Variants in SYNJ1 observed in about 807,000 individuals in gnomAD.
SYNJ1 encodes the protein synaptojanin 1.
Under a neutral mutation model 168.2 loss-of-function variants are expected in SYNJ1, and 78 were observed. The ratio of observed to expected loss-of-function variants is 0.46; its 90% confidence interval spans 0.39 to 0.56. SYNJ1 has a LOEUF of 0.56. SYNJ1 is among the 20% of genes least tolerant of loss of function. The probability of loss-of-function intolerance (pLI) is 0.00; values close to 1 mark genes in which losing one functional copy is unlikely to be tolerated. For missense variants in SYNJ1, 1,303 were observed against 1,597.6 expected, an observed-to-expected ratio of 0.82 and a Z score of 3.14; for synonymous variants, 539 against 548.6, an observed-to-expected ratio of 0.98 and a Z score of 0.24.
At chr21:32,704,156 C>T (rs1037102762) in intron 2 of SYNJ1, among the ~76,000 whole-genome samples, 2 of 152,172 alleles carry the variant, frequency 1.3e-5, no homozygotes, top group African/African-American at 2.4e-5. Context: ...AATACATAAA[C>T]GTATGTCTCT....
rs186849773 is a variant in SYNJ1 at position 32,671,984 on chromosome 21, G to A, written c.1726+1356C>T. Among the ~76,000 whole-genome samples the A allele has an allele frequency of 8.1e-5, 12 of 148,248 alleles. No homozygotes were observed. In the East Asian group the frequency reaches 1.8e-3, roughly 23 times the overall value. On this transcript the variant is annotated intron_variant, in intron 14 of 32. Transcript: ENST00000674351. Reference sequence around the variant, plus strand: ...TGAGGCAGGAGAATCGTTTGAACTCGGGAGGTAGAGGTTGCAGTGAGCCGA... The same window carrying A: ...TGAGGCAGGAGAATCGTTTGAACTCAGGAGGTAGAGGTTGCAGTGAGCCGA...
chr21:32,715,898 A>C (rs1299142458), intron 2 of SYNJ1, among the ~76,000 whole-genome samples: 2 of 152,218 alleles, frequency 1.3e-5, no homozygotes, highest in Non-Finnish European at 2.9e-5. Context: ...CCAACCAAGA[A>C]GAATTTATAT....
intron 18 of SYNJ1, among the ~76,000 whole-genome samples, chr21:32,663,832 C>G (rs2040812283): frequency 6.6e-6 from 1 of 152,214 alleles, no homozygotes; most frequent in South Asian, 2.1e-4. Flanking sequence ...GCAAGAGTCT[C>G]AGATGAGAAA....
Position 32,727,976 on chromosome 21 carries a change from C to G in SYNJ1, c.-53G>C, listed in dbSNP as rs1237960038. Reference sequence around the variant, plus strand: ...CCTCCGGCTCCTCCTCCTCCTTCTCCCGCAGCCGCCGCCACAGCCGCCGGG... The same window carrying G: ...CCTCCGGCTCCTCCTCCTCCTTCTCGCGCAGCCGCCGCCACAGCCGCCGGG... On this transcript the variant is annotated 5_prime_UTR_variant, in exon 1 of 33. Transcript: ENST00000674351. 3 of 1,535,130 alleles carry G rather than the reference C, an allele frequency of 2.0e-6. No individual in the cohort carries two copies. The highest frequency in any genetic ancestry group is 2.4e-5 in the South Asian group (2 of 83,986).
intron 2 of SYNJ1, among the ~76,000 whole-genome samples, chr21:32,717,281 G>A (rs781595148): frequency 6.6e-5 from 10 of 152,010 alleles, no homozygotes; most frequent in South Asian, 4.2e-4. Flanking sequence ...TTCATATCTC[G>A]TCTTAACAGG....
intron 2 of SYNJ1, among the ~76,000 whole-genome samples, chr21:32,726,150 TAAGA>T (rs1385786731): frequency 1.3e-5 from 2 of 152,182 alleles, no homozygotes; most frequent in Non-Finnish European, 2.9e-5. Context: ...TATCTTACAT[TAAGA>T]AAGACCCAGT....
Position 32,726,878 on chromosome 21 carries a change from T to C in SYNJ1, c.18A>G (p.Gly6=). Residue 6 remains glycine (G), a synonymous_variant, in exon 2 of 33, where the codon GGA becomes GGG. Coordinates refer to ENST00000674351, the MANE Select transcript of SYNJ1 (RefSeq NM_203446.3). The part of the protein sequence containing the change: MAFSK[G]FRIYHKLDPP... ...GATCCAATTTGTGATAGATCCGGAATCCTTTACTGAACGCCATTCTCCTTT... is the reference window on the plus strand; with the variant it reads ...GATCCAATTTGTGATAGATCCGGAACCCTTTACTGAACGCCATTCTCCTTT... 1 of 1,614,122 alleles carries C rather than the reference T, an allele frequency of 6.2e-7. No homozygotes were observed. Among genetic ancestry groups the C allele is most frequent in the Non-Finnish European group, 8.5e-7 (1 of 1,180,034 alleles).
rs1190911910 is a variant in SYNJ1, at chr21:32,628,822, T to C, written c.*2983A>G. 1 of 152,678 alleles carries C rather than the reference T, an allele frequency of 6.5e-6. No individual in the cohort carries two copies. Among genetic ancestry groups the C allele is most frequent in the African/African-American group, 2.4e-5 (1 of 41,470 alleles). The allele number at this position is 152,678 out of a possible 1,614,324, so 9.5% of individuals were successfully genotyped here. A position where few individuals can be genotyped will look rare whatever the true frequency, so the allele number is the denominator to read the frequency against. ...CGTTTCACAGGATATGTACAGAATGTCTGTGTACCACTGACTTTAATACTG... is the reference window on the plus strand; with the variant it reads ...CGTTTCACAGGATATGTACAGAATGCCTGTGTACCACTGACTTTAATACTG... On this transcript the variant is annotated 3_prime_UTR_variant, in exon 33 of 33. Coordinates refer to ENST00000674351, the MANE Select transcript of SYNJ1 (RefSeq NM_203446.3).
chr21:32,641,444 A>T (rs763320492), intron 29 of SYNJ1, among the ~76,000 whole-genome samples: 1 of 152,216 alleles, frequency 6.6e-6, no homozygotes, highest in Non-Finnish European at 1.5e-5. Context: ...ACGGAATATG[A>T]TGAACCTGAT....
intron 3 of SYNJ1, among the ~76,000 whole-genome samples, chr21:32,700,654 C>T (rs914747529): frequency 1.3e-5 from 2 of 151,908 alleles, no homozygotes; most frequent in African/African-American, 4.8e-5. Flanking sequence ...AAAACTACGT[C>T]TCAAAAAAAA....
intron 31 of SYNJ1, among the ~76,000 whole-genome samples, chr21:32,637,664 C>T (rs1224318490): frequency 1.3e-5 from 2 of 152,174 alleles, no homozygotes; most frequent in Non-Finnish European, 2.9e-5. Flanking sequence ...GATCGACCCG[C>T]CATGGCCTCC....
At chr21:32,646,051 T>C in intron 24 of SYNJ1, 1 of 738,156 alleles carries the variant, frequency 1.4e-6, no homozygotes, top group Non-Finnish European at 2.4e-6. Context: ...GCCCTATTGA[T>C]ATGCACAAAG....
At chr21:32,674,965 TATGC>T (rs754669184) in intron 13 of SYNJ1, among the ~76,000 whole-genome samples, 2 of 152,178 alleles carry the variant, frequency 1.3e-5, no homozygotes, top group Non-Finnish European at 2.9e-5. Flanking sequence ...CAGGGGCAGA[TATGC>T]AGATTTCTCA....
chr21:32,631,932 T>A, intron 32 of SYNJ1, 131 bp from the exon 33 acceptor site: 1 of 819,870 alleles, frequency 1.2e-6, no homozygotes, highest in Non-Finnish European at 1.8e-6. Context: ...TAGCTTTGTG[T>A]AGTTTGTTAC....
intron 24 of SYNJ1, 64 bp from the exon 25 acceptor site, chr21:32,645,853 C>G: frequency 6.6e-7 from 1 of 1,518,698 alleles, no homozygotes; most frequent in South Asian, 1.2e-5. Context: ...AGGGAACAGT[C>G]CTTCATATAT....
intron 18 of SYNJ1, among the ~76,000 whole-genome samples, chr21:32,660,339 T>C (rs1008827714): frequency 2.6e-5 from 4 of 152,248 alleles, no homozygotes; most frequent in South Asian, 4.1e-4. Flanking sequence ...AAGGACATCA[T>C]TGGCTAACAA....
intron 2 of SYNJ1, 102 bp from the exon 3 acceptor site, chr21:32,702,149 T>C: frequency 2.6e-6 from 2 of 767,890 alleles, no homozygotes; most frequent in Non-Finnish European, 4.1e-6. Flanking sequence ...CTAAATCTGA[T>C]ATTCTTAAAA....
At chr21:32,652,728 T>C (rs2040317637) in intron 22 of SYNJ1, among the ~76,000 whole-genome samples, 1 of 152,202 alleles carries the variant, frequency 6.6e-6, no homozygotes. Flanking sequence ...AGGCCAACAA[T>C]GTAAGTTTCC....
intron 22 of SYNJ1, among the ~76,000 whole-genome samples, chr21:32,651,909 T>C (rs1286134347): frequency 6.6e-6 from 1 of 152,172 alleles, no homozygotes; most frequent in Non-Finnish European, 1.5e-5. Flanking sequence ...TCATAAGAGG[T>C]AGTAAGAAAA....
Sources: allele counts gnomAD v4.1 joint callset (sites outside exome capture counted in the v4.1 genomes callset), GRCh38; gene constraint gnomAD v4.1.1; transcripts MANE v1.5; gene names NCBI Gene and HGNC (gene_info 2026-07-23, HGNC 2026-07-21).